Variants in PTPN21 observed in about 807,000 individuals in gnomAD.
PTPN21 encodes protein tyrosine phosphatase non-receptor type 21, also known as tyrosine-protein phosphatase non-receptor type 21.
A neutral mutation model predicts 131.8 loss-of-function variants in PTPN21; 77 were observed. The observed-to-expected ratio is 0.58, with a 90% CI of 0.49 to 0.71. The LOEUF (loss-of-function observed/expected upper bound fraction) is 0.71. Among genes scored for constraint, PTPN21 ranks in the 30% least tolerant of loss-of-function variants. The pLI is 0.00. For synonymous variants in PTPN21, 715 were observed against 621.3 expected (o/e 1.15, Z -2.24); for missense variants, 1,552 against 1,527.1 (o/e 1.02, Z -0.27).
chr14:88,485,598 A>C (rs1391977279), intron 11 of PTPN21, among the ~76,000 whole-genome samples, 184 bp downstream of exon 11: 1 of 152,026 alleles, frequency 6.6e-6, no homozygotes, highest in African/African-American at 2.4e-5. Flanking sequence ...AAATATGTAT[A>C]ATATAATAAT....
At chr14:88,508,443 G>C (rs1021151997) in intron 3 of PTPN21, among the ~76,000 whole-genome samples, 1 of 152,098 alleles carries the variant, frequency 6.6e-6, no homozygotes, top group African/African-American at 2.4e-5. Flanking sequence ...CCACCACACA[G>C]AGCCCCTAGA....
chr14:88,518,282 ACATACG>A (rs1283696593), intron 2 of PTPN21, among the ~76,000 whole-genome samples: 1 of 108,844 alleles, frequency 9.2e-6, no homozygotes, highest in East Asian at 2.6e-4. Flanking sequence ...ATACACACAC[ACATACG>A]CACACACACA....
chr14:88,543,921 C>G (rs754009973), intron 2 of PTPN21, among the ~76,000 whole-genome samples: 7 of 152,228 alleles, frequency 4.6e-5, no homozygotes, highest in Non-Finnish European at 1.0e-4. Flanking sequence ...CACACACCCC[C>G]CTCAGAAACA....
chr14:88,480,440 ATTT>A lies in PTPN21; in HGVS notation c.1079-91_1079-89del, dbSNP rs2077637003. ...GAGATCGGCCCTTACCTCTGATGACATTTTTAACACAGCTTGTAAAAATCCCCG... is the reference window on the plus strand; with the variant it reads ...GAGATCGGCCCTTACCTCTGATGACATTAACACAGCTTGTAAAAATCCCCG... On this transcript the variant is annotated intron_variant, in intron 12 of 18. Transcript: ENST00000556564. 4 of 1,035,770 alleles carry A rather than the reference ATTT, an allele frequency of 3.9e-6. No individual in the cohort carries two copies. In the East Asian group the frequency reaches 9.9e-5, roughly 26 times the overall value. The allele number at this position is 1,035,770 out of a possible 1,614,324, so 64.2% of individuals were successfully genotyped here.
intron 3 of PTPN21, among the ~76,000 whole-genome samples, chr14:88,511,290 C>T (rs967701083): frequency 6.6e-6 from 1 of 152,078 alleles, no homozygotes; most frequent in Non-Finnish European, 1.5e-5. Context: ...ATGACATTAT[C>T]ACTTTCTACT....
chr14:88,518,015 C>T (rs2078307564), intron 2 of PTPN21, among the ~76,000 whole-genome samples: 1 of 146,232 alleles, frequency 6.8e-6, no homozygotes, highest in African/African-American at 2.5e-5. Flanking sequence ...ATTGAGTAGC[C>T]CCCACTACAT....
rs1035826021 is a variant in PTPN21 at position 88,514,655 on chromosome 14, C to T, written c.350+2437G>A. 3.3e-5 allele frequency among the ~76,000 whole-genome samples: 5 copies of T among 151,640 alleles called. No homozygotes were observed. The East Asian group carries it at 5.8e-4, about 18-fold the overall frequency. On this transcript the variant is annotated intron_variant, in intron 3 of 18. Transcript: ENST00000556564. ...TATTTTGTATTTTTAGTAGAGACGGCGTTTCTCCATGTTGATCAGGCTGAT... is the reference window on the plus strand; with the variant it reads ...TATTTTGTATTTTTAGTAGAGACGGTGTTTCTCCATGTTGATCAGGCTGAT...
At chr14:88,533,590 A>G (rs2078584023) in intron 2 of PTPN21, among the ~76,000 whole-genome samples, 1 of 152,246 alleles carries the variant, frequency 6.6e-6, no homozygotes, top group Non-Finnish European at 1.5e-5. Context: ...TTTATAAAAA[A>G]GTTAACTGTA....
chr14:88,494,420 C>A (rs2077872271), intron 10 of PTPN21, among the ~76,000 whole-genome samples: 1 of 152,138 alleles, frequency 6.6e-6, no homozygotes, highest in Non-Finnish European at 1.5e-5. Flanking sequence ...ACCTGTCCAG[C>A]CCTTTGAGAG....
chr14:88,487,297 T>G (rs1340672665), intron 10 of PTPN21, among the ~76,000 whole-genome samples: 1 of 152,208 alleles, frequency 6.6e-6, no homozygotes, highest in Non-Finnish European at 1.5e-5. Context: ...TCCTGGTTCA[T>G]GTACTTATGT....
Position 88,524,610 on chromosome 14 carries a change from C to A in PTPN21, c.181-7349G>T, listed in dbSNP as rs199640959. On this transcript the variant is annotated intron_variant, in intron 2 of 18. Coordinates refer to ENST00000556564, the MANE Select transcript of PTPN21 (RefSeq NM_007039.4). ...AAGAAAAAAATAGATAAACTTATTTCAAAATTACAAAACTTGCCAGGCACA... is the reference window on the plus strand; with the variant it reads ...AAGAAAAAAATAGATAAACTTATTTAAAAATTACAAAACTTGCCAGGCACA... 1.9e-4 allele frequency among the ~76,000 whole-genome samples: 29 copies of A among 152,214 alleles called. No homozygotes were observed. The East Asian group carries it at 5.4e-3, about 28-fold the overall frequency.
chr14:88,526,570 AAAAAAG>A (rs1293690569), intron 2 of PTPN21, among the ~76,000 whole-genome samples: 8 of 151,040 alleles, frequency 5.3e-5, no homozygotes, highest in Non-Finnish European at 8.9e-5. Flanking sequence ...AAAAAAAAAA[AAAAAAG>A]GTTAGTTGTA....
intron 12 of PTPN21, among the ~76,000 whole-genome samples, chr14:88,481,685 T>A (rs1412352444): frequency 1.3e-5 from 2 of 151,826 alleles, no homozygotes; most frequent in East Asian, 1.9e-4. Context: ...CCAGCCTGAG[T>A]TGGGTTGATG....
Position 88,469,690 on chromosome 14 carries a change from C to T in PTPN21, c.3044G>A (p.Gly1015Asp). The part of the protein sequence containing the change: ...EKSFRYWPRL[G>D]SRHNTVTYGR... ...ATAGGTGACAGTGTTGTGCCTGGAA[C>T]CAAGTCGTGGCCAGTACCTAAAGCT... is the stretch of plus-strand genomic sequence containing the variant. Residue 1015 changes from glycine to aspartate, a missense_variant, in exon 17 of 19, where the codon GGT becomes GAT. Physicochemically the swap from Gly to Asp is moderately conservative, Grantham distance 94 (BLOSUM62 -1). This residue lies in a region of PTPN21 where 316 missense variants were observed against 378.5 expected (regional missense o/e 0.83). Transcript: ENST00000556564. The surrounding 1 kb of genome is among the most constrained non-coding windows in gnomAD (Gnocchi z 4.3). 6.2e-7 allele frequency: 1 copy of T among 1,614,176 alleles called. No homozygotes were observed. Among genetic ancestry groups the T allele is most frequent in the Non-Finnish European group, 8.5e-7 (1 of 1,180,028 alleles).
At position 88,468,911 on chromosome 14, in the gene PTPN21, A is replaced by G. The variant is rs1566803733; in HGVS notation, c.3396+5T>C. On this transcript the variant is annotated splice_donor_5th_base_variant and intron_variant, in intron 18 of 18. Transcript: ENST00000556564. Reference sequence around the variant, plus strand: ...AAAAGGCCAGGTGATCATAAGCGCCATCACCTCATTGTGTTCCAGGCAGGC... The same window carrying G: ...AAAAGGCCAGGTGATCATAAGCGCCGTCACCTCATTGTGTTCCAGGCAGGC... 1.9e-6 allele frequency: 3 copies of G among 1,614,040 alleles called. No homozygotes were observed. The highest frequency in any genetic ancestry group is 2.2e-5 in the East Asian group (1 of 44,882).
chr14:88,541,778 A>C (rs781285948), intron 2 of PTPN21, among the ~76,000 whole-genome samples: 2 of 152,240 alleles, frequency 1.3e-5, no homozygotes, highest in Non-Finnish European at 2.9e-5. Flanking sequence ...ATTCAGAGGC[A>C]AATTATTATT....
At chr14:88,527,472 C>G (rs1471880370) in intron 2 of PTPN21, among the ~76,000 whole-genome samples, 2 of 152,082 alleles carry the variant, frequency 1.3e-5, no homozygotes, top group African/African-American at 2.4e-5. Context: ...AATTGTCTAA[C>G]TCATGTCTTT....
At chr14:88,515,114 A>C (rs1372705839) in intron 3 of PTPN21, 1 of 152,190 alleles carries the variant, frequency 6.6e-6, no homozygotes, top group East Asian at 1.9e-4. Flanking sequence ...AGAAAGTGCG[A>C]GCATCCTTGA....
Position 88,479,643 on chromosome 14 carries a change from C to T in PTPN21, c.1788G>A (p.Thr596=), listed in dbSNP as rs560113872. The change falls in exon 13 of 19, where the codon ACG becomes ACA. Residue 596 remains threonine (T), a synonymous_variant. Transcript: ENST00000556564. ...TTTGCACCGAGTGGTGCACGCGCCG[C>T]GTGATGAGGTCGGGGTTGCTGCTGC... is the stretch of plus-strand genomic sequence containing the variant. ...YISSSNPDLI[T]RRVHHSVQTF... 3.3e-6 allele frequency: 5 copies of T among 1,519,968 alleles called. No individual in the cohort carries two copies. The highest frequency in any genetic ancestry group is 2.9e-5 in the African/African-American group (2 of 69,520). The allele number at this position is 1,519,968 out of a possible 1,614,324, so 94.2% of individuals were successfully genotyped here. A position where few individuals can be genotyped will look rare whatever the true frequency, so the allele number is the denominator to read the frequency against.
Sources: gnomAD v4.1 joint callset for allele counts (sites outside exome capture counted in the v4.1 genomes callset) on GRCh38, gnomAD v4.1.1 for gene constraint, gnomAD v4.1.1 regional missense constraint, Gnocchi (gnomAD v3.1) non-coding constraint, MANE v1.5 for transcripts, NCBI Gene and HGNC (gene_info 2026-07-23, HGNC 2026-07-21) for gene names.